Variants in PCDHGB2 observed in about 807,000 individuals in gnomAD.
The protein encoded by PCDHGB2 is protocadherin gamma subfamily B, 2.
In PCDHGB2, 55 loss-of-function variants were observed where a neutral mutation model predicts 59.3. That is an observed-to-expected ratio of 0.93 (90% CI 0.75 to 1.16). PCDHGB2 has a LOEUF of 1.16. PCDHGB2 is among the 50% of genes most tolerant of loss of function. PCDHGB2 has a pLI of 0.00. For synonymous variants in PCDHGB2, 516 were observed against 512.0 expected, an observed-to-expected ratio of 1.01 and a Z score of -0.11; for missense variants, 1,228 against 1,198.5, an observed-to-expected ratio of 1.02 and a Z score of -0.36.
At chr5:141,393,515 T>C in intron 1 of PCDHGB2, 2 of 1,613,990 alleles carry the variant, frequency 1.2e-6, no homozygotes, top group Non-Finnish European at 1.7e-6. Context: ...CAGTGTTGGA[T>C]ACAAATGACA....
At chr5:141,405,377 G>T (rs763495028) in intron 1 of PCDHGB2, 29 of 1,603,350 alleles carry the variant, frequency 1.8e-5, no homozygotes, top group Admixed American at 3.5e-5. Flanking sequence ...TTTGGTTCCG[G>T]TGAGTTCATT....
chr5:141,457,168 C>T (rs10072917), intron 1 of PCDHGB2, among the ~76,000 whole-genome samples: 42,426 of 152,004 alleles, frequency 0.28, 6,644 homozygotes, highest in African/African-American at 0.43. Context: ...ATGGATAACC[C>T]TATTGCAAAT....
chr5:141,500,005 G>A (rs994274763), intron 2 of PCDHGB2, among the ~76,000 whole-genome samples: 30 of 151,476 alleles, frequency 2.0e-4, no homozygotes, highest in Non-Finnish European at 3.8e-4. Context: ...TCTTTCATAA[G>A]GTCCACATTT....
chr5:141,421,047 C>G, intron 1 of PCDHGB2: 1 of 552,794 alleles, frequency 1.8e-6, no homozygotes, highest in Middle Eastern at 4.8e-4. Flanking sequence ...CCTCCCCCGC[C>G]TCTACCACAC....
intron 1 of PCDHGB2, among the ~76,000 whole-genome samples, chr5:141,446,356 A>G (rs73280911): frequency 0.088 from 13,411 of 152,284 alleles, 771 homozygotes; most frequent in African/African-American, 0.16. Flanking sequence ...CTACCATTTG[A>G]TGAGAATGGA....
chr5:141,502,862 C>T (rs2099816351), intron 2 of PCDHGB2, among the ~76,000 whole-genome samples: 1 of 68,558 alleles, frequency 1.5e-5, no homozygotes, highest in African/African-American at 1.0e-4. Context: ...CCCTGACTCT[C>T]TGTCTTTTTT....
At chr5:141,471,901 G>C (rs1224804131) in intron 1 of PCDHGB2, among the ~76,000 whole-genome samples, 1 of 152,146 alleles carries the variant, frequency 6.6e-6, no homozygotes, top group Non-Finnish European at 1.5e-5. Context: ...ATTGACTACA[G>C]ACAAGCATGA....
intron 1 of PCDHGB2, chr5:141,399,003 A>C: frequency 6.2e-7 from 1 of 1,613,966 alleles, no homozygotes; most frequent in East Asian, 2.2e-5. Context: ...GTCTGAATTC[A>C]AAGAGCGGAG....
In PCDHGB2 at chr5:141,432,075, C is replaced by G. The variant is rs2097446801; in HGVS notation, c.2422-62732C>G. 2 of 1,614,086 alleles carry G rather than the reference C, an allele frequency of 1.2e-6. No individual in the cohort carries two copies. Among genetic ancestry groups the G allele is most frequent in the Non-Finnish European group, 1.7e-6 (2 of 1,180,054 alleles). ...CCCCTATCCACGGAAACTCATATCT[C>G]GCTGAACGTGGCAGACACCAACGAC... On this transcript the variant is annotated intron_variant, in intron 1 of 3. Transcript: ENST00000522605. This position sits in a 1 kb window ranked among gnomAD's most constrained non-coding sequence, Gnocchi z 6.0.
chr5:141,442,596 T>C (rs2154559877), intron 1 of PCDHGB2: 1 of 152,310 alleles, frequency 6.6e-6, no homozygotes, highest in South Asian at 2.1e-4. Flanking sequence ...TTAAATATTT[T>C]CAGAGATCTC....
intron 1 of PCDHGB2, chr5:141,376,551 C>T: frequency 6.2e-7 from 1 of 1,611,758 alleles, no homozygotes; most frequent in South Asian, 1.1e-5. Flanking sequence ...TCTGATCTTC[C>T]CGCAACCCAA....
At position 141,477,886 on chromosome 5, in the gene PCDHGB2, G is replaced by A. The variant is rs2099422999; in HGVS notation, c.2422-16921G>A. 2 of 1,614,188 alleles carry A rather than the reference G, an allele frequency of 1.2e-6. No homozygotes were observed. The highest frequency in any genetic ancestry group is 1.7e-6 in the Non-Finnish European group (2 of 1,180,040). ...GAGGTACCTCAGCTGGCCACCTAGT[G>A]TCACGGGTGGTAGGCTGGGACGCGG... On this transcript the variant is annotated intron_variant, in intron 1 of 3. Transcript: ENST00000522605. The surrounding 1 kb of genome is among the most constrained non-coding windows in gnomAD (Gnocchi z 4.9).
At chr5:141,492,778 G>A (rs2099743821) in intron 1 of PCDHGB2, among the ~76,000 whole-genome samples, 1 of 152,250 alleles carries the variant, frequency 6.6e-6, no homozygotes, top group South Asian at 2.1e-4. Context: ...GAGTGAGTGA[G>A]CCTCTATAGG....
intron 1 of PCDHGB2, chr5:141,371,239 T>C (rs1319098085): frequency 6.2e-7 from 1 of 1,614,010 alleles, no homozygotes. Flanking sequence ...TATGCCTTCA[T>C]CAATATTGGC....
intron 1 of PCDHGB2, chr5:141,403,174 T>C: frequency 1.9e-6 from 3 of 1,614,000 alleles, no homozygotes; most frequent in Non-Finnish European, 2.5e-6. Context: ...GGACGCAGCT[T>C]TTCTCTCTGA....
At chr5:141,479,633 T>TAACAAC (rs749744124) in intron 1 of PCDHGB2, 1 of 152,114 alleles carries the variant, frequency 6.6e-6, no homozygotes, top group Admixed American at 6.5e-5. Flanking sequence ...TCTTTAACAA[T>TAACAAC]AACAACAACA....
intron 3 of PCDHGB2, among the ~76,000 whole-genome samples, chr5:141,509,139 A>G (rs1042555376): frequency 2.6e-5 from 4 of 152,140 alleles, no homozygotes; most frequent in African/African-American, 9.7e-5. Flanking sequence ...ACCGAGGCGC[A>G]TCCCGGCTCT....
chr5:141,431,146 T>G lies in PCDHGB2; in HGVS notation c.2422-63661T>G. On this transcript the variant is annotated intron_variant, in intron 1 of 3. Coordinates refer to ENST00000522605, the MANE Select transcript of PCDHGB2 (RefSeq NM_018923.3). The surrounding 1 kb of genome is among the most constrained non-coding windows in gnomAD (Gnocchi z 4.8). The stretch of plus-strand genomic sequence containing the variant: ...TAGAAGTAAGGGACATTAACGACAA[T>G]GCGCCTTACTTTCGTGAAAGTGAAT... 6.2e-7 allele frequency: 1 copy of G among 1,614,124 alleles called. No individual in the cohort carries two copies. Among genetic ancestry groups the G allele is most frequent in the African/African-American group, 1.3e-5 (1 of 75,022 alleles).
chr5:141,412,592 C>T (rs1472116158), intron 1 of PCDHGB2: 1 of 152,048 alleles, frequency 6.6e-6, no homozygotes, highest in African/African-American at 2.4e-5. Context: ...TGAATGTATA[C>T]TAAATAAAAT....
Sources: allele counts gnomAD v4.1 joint callset (sites outside exome capture counted in the v4.1 genomes callset), GRCh38; gene constraint gnomAD v4.1.1; non-coding constraint Gnocchi (gnomAD v3.1); transcripts MANE v1.5; gene names NCBI Gene and HGNC (gene_info 2026-07-23, HGNC 2026-07-21).